HCRTR1: variants seen among roughly 807,000 people sequenced by gnomAD.
HCRTR1 encodes hypocretin receptor 1.
Under a neutral mutation model 40.6 loss-of-function variants are expected in HCRTR1, and 28 were observed. The observed-to-expected ratio is 0.69, with a 90% confidence interval of 0.51 to 0.95. The LOEUF is 0.95. Ranked by LOEUF, HCRTR1 falls within the 40% of genes least tolerant of loss-of-function variation. The probability of loss-of-function intolerance (pLI) is 0.00; values close to 1 mark genes in which losing one functional copy is unlikely to be tolerated. For missense variants in HCRTR1, 482 were observed against 564.7 expected, an observed-to-expected ratio of 0.85 and a Z score of 1.48; for synonymous variants, 209 against 230.0, an observed-to-expected ratio of 0.91 and a Z score of 0.83.
In HCRTR1 at chr1:31,625,100, A is replaced by C. The variant is rs766300509; in HGVS notation, c.1069A>C (p.Ile357Leu). 2.5e-6 allele frequency: 4 copies of C among 1,611,150 alleles called. No homozygotes were observed. The highest frequency in any genetic ancestry group is 3.4e-6 in the Non-Finnish European group (4 of 1,178,334). Residue 357 changes from isoleucine to leucine, a missense_variant, in exon 8 of 9, where the codon ATC (isoleucine) becomes CTC (leucine). Transcript: ENST00000403528. This position sits in a 1 kb window ranked among gnomAD's most constrained non-coding sequence, Gnocchi z 4.2. The stretch of plus-strand genomic sequence containing the variant: ...CGCCAACAGCGCTGCCAACCCCATC[A>C]TCTACAACTTCCTCAGTGGTGAGCA... ...VYANSAANPI[I>L]YNFLSGKFRE...
At chr1:31,620,141 G>C (rs1261962339) in intron 4 of HCRTR1, among the ~76,000 whole-genome samples, 1 of 152,202 alleles carries the variant, frequency 6.6e-6, no homozygotes, top group Non-Finnish European at 1.5e-5. Flanking sequence ...AGACCCCAGT[G>C]GTGGAAACCA....
chr1:31,618,602 C>T (rs1288812632), intron 1 of HCRTR1, among the ~76,000 whole-genome samples, 154 bp from the exon 2 acceptor site: 5 of 152,180 alleles, frequency 3.3e-5, no homozygotes, highest in African/African-American at 1.2e-4. Flanking sequence ...CCTCCCAAAT[C>T]TACGGTGTTT....
At chr1:31,630,678 C>T (rs749213335), downstream of HCRTR1, 14 of 1,613,794 alleles carry the variant, frequency 8.7e-6, no homozygotes, top group South Asian at 2.2e-5. Flanking sequence ...TTGCCTTGTA[C>T]AGCTGTGTCC....
In HCRTR1 at chr1:31,627,180, G is replaced by C; in HGVS notation, c.*200G>C. 1 of 1,457,066 alleles carries C rather than the reference G, an allele frequency of 6.9e-7. No individual in the cohort carries two copies. The highest frequency in any genetic ancestry group is 9.1e-7 in the Non-Finnish European group (1 of 1,094,998). The allele number at this position is 1,457,066 out of a possible 1,614,324, so 90.3% of individuals were successfully genotyped here. On this transcript the variant is annotated 3_prime_UTR_variant, in exon 9 of 9. Coordinates refer to ENST00000403528, the MANE Select transcript of HCRTR1 (RefSeq NM_001525.3). ...TTAAGCATGCTGAAGCAAGTGGAAA[G>C]CTCCTTGTAAACTGTGAAGTGTTGT...
At position 31,625,411 on chromosome 1, in the gene HCRTR1, G is replaced by A. The variant is rs1314030799; in HGVS notation, c.1087+293G>A. Among the ~76,000 whole-genome samples the A allele has an allele frequency of 6.6e-6, 1 of 152,196 alleles. No homozygotes were observed. Among genetic ancestry groups the A allele is most frequent in the Non-Finnish European group, 1.5e-5 (1 of 68,008 alleles). On this transcript the variant is annotated intron_variant, in intron 8 of 8. Transcript: ENST00000403528. The surrounding 1 kb of genome is among the most constrained non-coding windows in gnomAD (Gnocchi z 4.2). ...AGCTCACCCCCAACTCCCACCCTGG[G>A]TGCAGGCACAGCAAGACCTCCAATC...
chr1:31,633,781 C>A (rs576987615), downstream of HCRTR1, among the ~76,000 whole-genome samples: 1 of 152,026 alleles, frequency 6.6e-6, no homozygotes, highest in Non-Finnish European at 1.5e-5. Context: ...CATGGAGAAA[C>A]CCCGTCTCTA....
At chr1:31,630,518 G>C (rs1640064707), downstream of HCRTR1, 2 of 1,223,740 alleles carry the variant, frequency 1.6e-6, no homozygotes, top group Non-Finnish European at 2.3e-6. Context: ...TGTTCTTCTA[G>C]AGGGACAGGA....
At chr1:31,632,082 C>A (rs1640120585), downstream of HCRTR1, among the ~76,000 whole-genome samples, 1 of 152,216 alleles carries the variant, frequency 6.6e-6, no homozygotes, top group African/African-American at 2.4e-5. Flanking sequence ...AAGAAACTGT[C>A]CACTAGCAGA....
rs1346161057 is a variant in HCRTR1, at chr1:31,625,524, C to A, written c.1087+406C>A. ...AGCCCCTGCCCGAGGAAGGATTGCA[C>A]AGTCCAGGTGTCAGGGCTAAAGTAG... On this transcript the variant is annotated intron_variant, in intron 8 of 8. Coordinates refer to ENST00000403528, the MANE Select transcript of HCRTR1 (RefSeq NM_001525.3). The surrounding 1 kb of genome is among the most constrained non-coding windows in gnomAD (Gnocchi z 4.2). Among the ~76,000 whole-genome samples the A allele has an allele frequency of 1.3e-5, 2 of 152,232 alleles. No homozygotes were observed. Among genetic ancestry groups the A allele is most frequent in the African/African-American group, 4.8e-5 (2 of 41,474 alleles).
At position 31,621,158 on chromosome 1, in the gene HCRTR1, A is replaced by G. The variant is rs1250665729; in HGVS notation, c.622+72A>G. 6 of 1,528,680 alleles carry G rather than the reference A, an allele frequency of 3.9e-6. No homozygotes were observed. The East Asian group carries it at 6.8e-5, about 17-fold the overall frequency. The allele number at this position is 1,528,680 out of a possible 1,614,324, so 94.7% of individuals were successfully genotyped here. On this transcript the variant is annotated intron_variant, in intron 5 of 8. Transcript: ENST00000403528. ...GGGAGCACGTACCCCTAGGACAGGC[A>G]TCTAGCAGGGTCCCTTCCAAAGTGG...
chr1:31,618,192 C>G (rs1395098311), intron 1 of HCRTR1: 2 of 152,446 alleles, frequency 1.3e-5, no homozygotes, highest in East Asian at 1.9e-4. Context: ...GGCACCTGGC[C>G]GGGGTCGTCC....
chr1:31,621,629 TG>T, intron 6 of HCRTR1, 37 bp downstream of exon 6: 1 of 1,417,310 alleles, frequency 7.1e-7, no homozygotes, highest in Non-Finnish European at 9.9e-7. Context: ...GGCCAGTCAC[TG>T]TGTGGGCTGG....
downstream of HCRTR1, chr1:31,627,633 T>C: frequency 3.1e-6 from 1 of 325,626 alleles, no homozygotes; most frequent in Non-Finnish European, 6.1e-6. Context: ...TCCTTGTCAT[T>C]GCACAAAATC....
intron 3 of HCRTR1, 53 bp downstream of exon 3, chr1:31,619,444 G>T: frequency 6.2e-7 from 1 of 1,612,410 alleles, no homozygotes; most frequent in Non-Finnish European, 8.5e-7. Context: ...GGGATTGAAG[G>T]GGGTTGTGTG....
At position 31,623,486 on chromosome 1, in the gene HCRTR1, T is replaced by C. The variant is rs201029496; in HGVS notation, c.739-37T>C. 3.2e-6 allele frequency: 5 copies of C among 1,576,146 alleles called. No homozygotes were observed. The African/African-American group carries it at 4.0e-5, about 13-fold the overall frequency. ...AAAGGCAACCACCCTCCCAAGGTGC[T>C]GTACCCACCACTGCTGTCTCTATGT... is the stretch of plus-strand genomic sequence containing the variant. On this transcript the variant is annotated intron_variant, in intron 6 of 8. Coordinates refer to ENST00000403528, the MANE Select transcript of HCRTR1 (RefSeq NM_001525.3).
At chr1:31,633,221 T>C (rs1043312412), downstream of HCRTR1, 10 of 1,614,012 alleles carry the variant, frequency 6.2e-6, no homozygotes, top group Admixed American at 1.3e-4. Context: ...CAGGGCCTGC[T>C]TTAGCTCCTT....
chr1:31,621,384 C>T, intron 5 of HCRTR1, 93 bp from the exon 6 acceptor site: 3 of 1,008,920 alleles, frequency 3.0e-6, no homozygotes, highest in Non-Finnish European at 4.7e-6. Flanking sequence ...CTAGGCCTTG[C>T]TTTGGCCGTA....
chr1:31,629,554 G>T (rs1640038585), downstream of HCRTR1, among the ~76,000 whole-genome samples: 1 of 152,228 alleles, frequency 6.6e-6, no homozygotes, highest in South Asian at 2.1e-4. Flanking sequence ...ACTAGGGCCT[G>T]AGAAAATAGA....
In HCRTR1 at chr1:31,625,044, C is replaced by T. The variant is rs776939387; in HGVS notation, c.1013C>T (p.Ala338Val). 1 of 1,613,108 alleles carries T rather than the reference C, an allele frequency of 6.2e-7. No individual in the cohort carries two copies. Among genetic ancestry groups the T allele is most frequent in the Admixed American group, 1.7e-5 (1 of 59,946 alleles). Residue 338 changes from alanine to valine, a missense_variant, in exon 8 of 9, where the codon GCC (alanine) becomes GTC (valine). Coordinates refer to ENST00000403528, the MANE Select transcript of HCRTR1 (RefSeq NM_001525.3). This position sits in a 1 kb window ranked among gnomAD's most constrained non-coding sequence, Gnocchi z 4.2. ...RQASDREAVY[A>V]CFTFSHWLVY... is the part of the protein sequence containing the mutation. ...GCCAGTGACCGCGAAGCTGTCTACG[C>T]CTGCTTCACCTTCTCCCACTGGCTG...
Sources: allele counts gnomAD v4.1 joint callset (sites outside exome capture counted in the v4.1 genomes callset), GRCh38; gene constraint gnomAD v4.1.1; non-coding constraint Gnocchi (gnomAD v3.1); transcripts MANE v1.5; gene names NCBI Gene and HGNC (gene_info 2026-07-23, HGNC 2026-07-21).